The following PLD5 variants were observed in gnomAD, a reference collection of about 807,000 sequenced individuals.
The protein encoded by PLD5 is inactive phospholipase D5.
PLD5 carries 36 observed loss-of-function variants against 61.1 expected under a neutral mutation model. The observed-to-expected ratio is 0.59, with a 90% CI of 0.45 to 0.78. PLD5 has a LOEUF of 0.78. Among genes scored for constraint, PLD5 ranks in the 30% least tolerant of loss-of-function variants. PLD5 has a pLI of 0.00. For missense variants in PLD5, 515 were observed against 644.4 expected (o/e 0.80, Z 2.17); for synonymous variants, 243 against 242.8 (o/e 1.00, Z -0.01).
intron 7 of PLD5, among the ~76,000 whole-genome samples, chr1:242,109,546 C>CT (rs1176710363): frequency 2.6e-5 from 4 of 152,236 alleles, no homozygotes; most frequent in African/African-American, 9.6e-5. Context: ...AGTCACAAGA[C>CT]TCCCCCAGTG....
chr1:242,258,104 G>A (rs550197173), intron 4 of PLD5, among the ~76,000 whole-genome samples: 8 of 152,230 alleles, frequency 5.3e-5, no homozygotes, highest in African/African-American at 1.2e-4. Flanking sequence ...TCATTGTATT[G>A]TTTTCCTATA....
intron 1 of PLD5, among the ~76,000 whole-genome samples, chr1:242,360,193 C>G (rs1412541262): frequency 6.6e-6 from 1 of 152,046 alleles, no homozygotes; most frequent in Non-Finnish European, 1.5e-5. Context: ...ATCCCTGGGC[C>G]ACACTTTTGA....
At chr1:242,390,017 AATAATT>A (rs1404693200) in intron 1 of PLD5, among the ~76,000 whole-genome samples, 1 of 100,768 alleles carries the variant, frequency 9.9e-6, no homozygotes, top group Non-Finnish European at 2.1e-5. Flanking sequence ...AAATAATAAT[AATAATT>A]ATTATTATTA....
At chr1:242,239,020 A>G (rs1005454106) in intron 4 of PLD5, among the ~76,000 whole-genome samples, 2 of 152,092 alleles carry the variant, frequency 1.3e-5, no homozygotes, top group Non-Finnish European at 2.9e-5. Flanking sequence ...TTTGGGTTCT[A>G]TATTATGTCA....
At chr1:242,500,786 G>T (rs1243717507) in intron 1 of PLD5, among the ~76,000 whole-genome samples, 1 of 152,076 alleles carries the variant, frequency 6.6e-6, no homozygotes, top group African/African-American at 2.4e-5. Context: ...TGAAAAGAAA[G>T]GATGGTCTGC....
intron 6 of PLD5, among the ~76,000 whole-genome samples, chr1:242,115,664 A>AAAAAAAAAAAAAATCG (rs770237708): frequency 8.5e-4 from 129 of 151,402 alleles, no homozygotes; most frequent in Admixed American, 1.9e-3. Flanking sequence ...TCTAAAAAAA[A>AAAAAAAAAAAAAATCG]AAAAATCTTG....
intron 4 of PLD5, among the ~76,000 whole-genome samples, chr1:242,220,717 T>A (rs77293952): frequency 0.019 from 1,210 of 62,524 alleles, 22 homozygotes; most frequent in African/African-American, 0.084. Flanking sequence ...ATATTTTATT[T>A]TATTTTATTT....
At chr1:242,154,746 C>T (rs1411694065) in intron 5 of PLD5, among the ~76,000 whole-genome samples, 1 of 152,072 alleles carries the variant, frequency 6.6e-6, no homozygotes, top group Non-Finnish European at 1.5e-5. Context: ...TTCGGTTTGC[C>T]AGTATTCTAT....
chr1:242,491,872 C>T (rs570295709), intron 1 of PLD5, among the ~76,000 whole-genome samples: 4 of 152,204 alleles, frequency 2.6e-5, no homozygotes, highest in African/African-American at 4.8e-5. Flanking sequence ...ACATTTGGCT[C>T]ATTTATCCCT....
chr1:242,322,496 G>T (rs541083973), intron 2 of PLD5, among the ~76,000 whole-genome samples: 185 of 152,152 alleles, frequency 1.2e-3, no homozygotes, highest in African/African-American at 4.4e-3. Context: ...TCACTTTATA[G>T]CATCTGTCTT....
intron 5 of PLD5, among the ~76,000 whole-genome samples, chr1:242,132,028 A>G (rs1663299507): frequency 6.6e-6 from 1 of 151,332 alleles, no homozygotes; most frequent in Non-Finnish European, 1.5e-5. Context: ...ATAGAGTTTC[A>G]CCATCTTGGC....
Position 242,089,463 on chromosome 1 carries a change from C to A in PLD5, c.*391G>T. 2.3e-6 allele frequency: 1 copy of A among 428,598 alleles called. No homozygotes were observed. 26.5% of individuals were successfully genotyped at this position (428,598 alleles called of 1,614,324 possible). On this transcript the variant is annotated 3_prime_UTR_variant, in exon 10 of 10. Transcript: ENST00000536534. ...CTCTTCTCCAAGGCAAAATCCTCAC[C>A]TTCCTCTCTAAATCAACAGTTCTCA... is the stretch of plus-strand genomic sequence containing the variant.
chr1:242,092,935 C>T (rs1263886327), intron 9 of PLD5, among the ~76,000 whole-genome samples: 1 of 152,126 alleles, frequency 6.6e-6, no homozygotes, highest in Non-Finnish European at 1.5e-5. Flanking sequence ...AGTCCCTAAA[C>T]CAAATATCAG....
intron 1 of PLD5, among the ~76,000 whole-genome samples, chr1:242,354,203 T>C (rs375148290): frequency 6.6e-6 from 1 of 152,148 alleles, no homozygotes; most frequent in African/African-American, 2.4e-5. Context: ...ACCAGCACCA[T>C]GACAGTTTAC....
At chr1:242,388,838 C>T (rs1445193517) in intron 1 of PLD5, among the ~76,000 whole-genome samples, 3 of 152,032 alleles carry the variant, frequency 2.0e-5, no homozygotes, top group Non-Finnish European at 4.4e-5. Flanking sequence ...GGCCTGTAAT[C>T]CCAGCTACTC....
At chr1:242,391,686 G>A (rs1662942750) in intron 1 of PLD5, among the ~76,000 whole-genome samples, 1 of 152,176 alleles carries the variant, frequency 6.6e-6, no homozygotes, top group African/African-American at 2.4e-5. Context: ...CTTATGGAAA[G>A]GAAAGTTTAA....
chr1:242,281,672 A>T (rs1198305674), intron 3 of PLD5, among the ~76,000 whole-genome samples: 1 of 152,152 alleles, frequency 6.6e-6, no homozygotes, highest in Admixed American at 6.5e-5. Flanking sequence ...GAGAGGTAAA[A>T]AAAGGTATTC....
At chr1:242,308,086 A>G (rs899592326) in intron 2 of PLD5, among the ~76,000 whole-genome samples, 3 of 152,238 alleles carry the variant, frequency 2.0e-5, no homozygotes, top group African/African-American at 7.2e-5. Context: ...AAATATTTTA[A>G]ATAATGAGCA....
intron 1 of PLD5, among the ~76,000 whole-genome samples, chr1:242,520,930 A>T (rs950850344): frequency 2.6e-5 from 4 of 152,220 alleles, no homozygotes; most frequent in African/African-American, 9.7e-5. Context: ...TCCTACAGAG[A>T]ACAGAACTTC....
Sources: allele counts gnomAD v4.1 joint callset (sites outside exome capture counted in the v4.1 genomes callset), GRCh38; gene constraint gnomAD v4.1.1; transcripts MANE v1.5; gene names NCBI Gene and HGNC (gene_info 2026-07-23, HGNC 2026-07-21).